The following GAS7 variants were observed in gnomAD, a reference collection of about 807,000 sequenced individuals.
GAS7 encodes growth arrest-specific protein 7.
A neutral mutation model predicts 71.1 loss-of-function variants in GAS7; 28 were observed. The ratio of observed to expected loss-of-function variants is 0.39; its 90% CI spans 0.29 to 0.54. GAS7 has a LOEUF of 0.54. Among genes scored for constraint, GAS7 ranks in the 20% least tolerant of loss-of-function variants. The pLI, the probability that GAS7 is intolerant of heterozygous loss-of-function variation, is 0.62. For synonymous variants in GAS7, 258 were observed against 245.8 expected, an observed-to-expected ratio of 1.05 and a Z score of -0.46; for missense variants, 436 against 627.8, an observed-to-expected ratio of 0.69 and a Z score of 3.27.
Position 9,981,282 on chromosome 17 carries a change from C to A in GAS7, c.385+522G>T, listed in dbSNP as rs1237086851. On this transcript the variant is annotated intron_variant, in intron 3 of 13. Transcript: ENST00000432992. The surrounding 1 kb of genome is among the most constrained non-coding windows in gnomAD (Gnocchi z 4.4). ...CTCCAGCCTGGGTGACAGAATGAGA[C>A]CCTGTCTCAAAAGAGAAACAAACAA... 6.6e-6 allele frequency among the ~76,000 whole-genome samples: 1 copy of A among 152,070 alleles called. No individual in the cohort carries two copies. The highest frequency in any genetic ancestry group is 1.5e-5 in the Non-Finnish European group (1 of 68,024).
chr17:10,084,839 T>C (rs774886547), intron 1 of GAS7, among the ~76,000 whole-genome samples: 2 of 152,160 alleles, frequency 1.3e-5, no homozygotes, highest in Non-Finnish European at 2.9e-5. Flanking sequence ...GCACTTTCTC[T>C]GTAGGGCTAT....
chr17:10,105,530 G>A (rs1047049093), intron 1 of GAS7, among the ~76,000 whole-genome samples: 1 of 152,110 alleles, frequency 6.6e-6, no homozygotes, highest in African/African-American at 2.4e-5. Context: ...CCCAGGATGA[G>A]GCAGGTCTGA....
chr17:10,043,197 C>CT (rs1300734734), intron 1 of GAS7, among the ~76,000 whole-genome samples: 1 of 152,120 alleles, frequency 6.6e-6, no homozygotes, highest in African/African-American at 2.4e-5. Flanking sequence ...TCTCCTGTGC[C>CT]TTTCATTAGT....
chr17:10,092,723 G>A lies in GAS7; in HGVS notation c.184-72826C>T, dbSNP rs938168160. Among the ~76,000 whole-genome samples, 15 of 152,160 alleles carry A rather than the reference G, an allele frequency of 9.9e-5. No individual in the cohort carries two copies. In the East Asian group the frequency reaches 1.3e-3, roughly 14 times the overall value. ...AAAATCAAGGTGTCAGGAGGGCCAC[G>A]CCCCCCTTGGAGGCTCTAGGGGAAA... is the stretch of plus-strand genomic sequence containing the variant. On this transcript the variant is annotated intron_variant, in intron 1 of 13. Transcript: ENST00000432992.
intron 1 of GAS7, among the ~76,000 whole-genome samples, chr17:10,192,928 T>G (rs1035712493): frequency 6.6e-6 from 1 of 152,108 alleles, no homozygotes; most frequent in East Asian, 1.9e-4. Flanking sequence ...CAAGCCCTAA[T>G]TGCACCTTTT....
intron 1 of GAS7, among the ~76,000 whole-genome samples, chr17:10,181,818 C>T (rs1053510575): frequency 1.3e-5 from 2 of 152,106 alleles, no homozygotes; most frequent in Non-Finnish European, 2.9e-5. Flanking sequence ...CAAACAGGAT[C>T]CAGTAAAGGA....
chr17:9,992,737 A>G, intron 2 of GAS7, among the ~76,000 whole-genome samples: 1 of 150,158 alleles, frequency 6.7e-6, no homozygotes, highest in African/African-American at 2.5e-5. Flanking sequence ...TATATCTCCC[A>G]ATGCTATCCC....
intron 9 of GAS7, among the ~76,000 whole-genome samples, chr17:9,930,468 G>T (rs1389015881): frequency 6.6e-6 from 1 of 152,192 alleles, no homozygotes; most frequent in Non-Finnish European, 1.5e-5. Context: ...TCTTCTGATG[G>T]AACGCAGAGC....
At chr17:10,125,548 AAG>A (rs1447846237) in intron 1 of GAS7, among the ~76,000 whole-genome samples, 14 of 146,822 alleles carry the variant, frequency 9.5e-5, no homozygotes, top group African/African-American at 3.5e-4. Flanking sequence ...AAAAAAAAAA[AAG>A]GTCAAACAAC....
In GAS7 at chr17:10,088,256, T is replaced by TAATAATAATAATAAA. The variant is rs780525609; in HGVS notation, c.184-68360_184-68359insTTTATTATTATTATT. 5.7e-4 allele frequency among the ~76,000 whole-genome samples: 82 copies of TAATAATAATAATAAA among 144,562 alleles called. 1 individual carries two copies. The highest frequency in any genetic ancestry group is 2.1e-3 in the South Asian group (9 of 4,298). 94.8% of individuals were successfully genotyped at this position (144,562 alleles called of 152,430 possible). A position where few individuals can be genotyped will look rare whatever the true frequency, so the allele number is the denominator to read the frequency against. ...ATAATAATAATAATAATAATAATAATAAATATGTATATATGCATAAGGAGT... is the reference window on the plus strand; with the variant it reads ...ATAATAATAATAATAATAATAATAATAATAATAATAATAAAAAATATGTATATATGCATAAGGAGT... On this transcript the variant is annotated intron_variant, in intron 1 of 13. Transcript: ENST00000432992.
chr17:10,054,672 C>A (rs1046659193), intron 1 of GAS7, among the ~76,000 whole-genome samples: 4 of 152,162 alleles, frequency 2.6e-5, no homozygotes, highest in African/African-American at 9.7e-5. Context: ...GAATTGAATA[C>A]CACCCACCTT....
chr17:10,189,301 C>G (rs1174256908), intron 1 of GAS7, among the ~76,000 whole-genome samples: 1 of 152,196 alleles, frequency 6.6e-6, no homozygotes, highest in South Asian at 2.1e-4. Flanking sequence ...ACCATCTCCA[C>G]TTCCACCACC....
chr17:9,963,545 A>C (rs2069586008), intron 4 of GAS7, among the ~76,000 whole-genome samples: 1 of 152,068 alleles, frequency 6.6e-6, no homozygotes, highest in East Asian at 1.9e-4. Flanking sequence ...ACCTGAAGGG[A>C]TCCTGGACTG....
intron 9 of GAS7, among the ~76,000 whole-genome samples, chr17:9,931,301 C>T (rs2068199629): frequency 6.6e-6 from 1 of 152,240 alleles, no homozygotes. Flanking sequence ...ACACAGCCAT[C>T]CACACCACTT....
At chr17:10,185,713 G>C (rs2074447075) in intron 1 of GAS7, among the ~76,000 whole-genome samples, 1 of 152,158 alleles carries the variant, frequency 6.6e-6, no homozygotes, top group African/African-American at 2.4e-5. Flanking sequence ...TCAGCCTGTA[G>C]GATCTGACTC....
At chr17:10,078,619 G>A (rs1416463029) in intron 1 of GAS7, among the ~76,000 whole-genome samples, 2 of 152,218 alleles carry the variant, frequency 1.3e-5, no homozygotes, top group East Asian at 1.9e-4. Context: ...GGAGGTGAGG[G>A]AAGAGGTTAT....
chr17:10,148,985 A>G (rs1372399325), intron 1 of GAS7, among the ~76,000 whole-genome samples: 2 of 151,958 alleles, frequency 1.3e-5, no homozygotes, highest in African/African-American at 4.8e-5. Flanking sequence ...AATGATGGAG[A>G]ACCCTGGCCC....
chr17:10,070,101 G>A (rs938800498), intron 1 of GAS7, among the ~76,000 whole-genome samples: 1 of 151,994 alleles, frequency 6.6e-6, no homozygotes, highest in African/African-American at 2.4e-5. Context: ...TGCTATACTA[G>A]ACCATAGGCA....
chr17:10,048,931 A>G lies in GAS7; in HGVS notation c.184-29034T>C, dbSNP rs147300320. On this transcript the variant is annotated intron_variant, in intron 1 of 13. Transcript: ENST00000432992. ...ATTTTCCAGCTCATTGCGGGGGGGA[A>G]GATTAGTGCCTTAGTATTTCATTCA... Among the ~76,000 whole-genome samples the G allele has an allele frequency of 1.4e-4, 21 of 152,320 alleles. 1 individual carries two copies. The highest frequency in any genetic ancestry group is 3.8e-4 in the African/African-American group (16 of 41,572).
Sources: allele counts gnomAD v4.1 joint callset (sites outside exome capture counted in the v4.1 genomes callset), GRCh38; gene constraint gnomAD v4.1.1; non-coding constraint Gnocchi (gnomAD v3.1); transcripts MANE v1.5; gene names NCBI Gene and HGNC (gene_info 2026-07-23, HGNC 2026-07-21).